Variants in CPS1 observed in about 807,000 individuals in gnomAD.
The protein encoded by CPS1 is carbamoyl-phosphate synthase [ammonia], mitochondrial.
A neutral mutation model predicts 174.6 loss-of-function variants in CPS1; 109 were observed. That is an observed-to-expected ratio of 0.62 (90% CI 0.53 to 0.73). The LOEUF (loss-of-function observed/expected upper bound fraction) is 0.73, where lower values mean the gene tolerates loss of function less well. CPS1 is among the 30% of genes least tolerant of loss of function. CPS1 has a pLI of 0.00. For synonymous variants in CPS1, 637 were observed against 632.0 expected, an observed-to-expected ratio of 1.01 and a Z score of -0.12; for missense variants, 1,689 against 1,821.9, an observed-to-expected ratio of 0.93 and a Z score of 1.33.
At chr2:210,556,571 C>T (rs1486028543), upstream of CPS1, 7 of 1,483,206 alleles carry the variant, frequency 4.7e-6, no homozygotes, top group Admixed American at 7.1e-5. Flanking sequence ...TGGCTGAAGA[C>T]ATTTAATGGC....
rs754653479 is a variant in CPS1 at position 210,606,793 on chromosome 2, C to T, written c.2044C>T (p.Arg682Cys). 25 of 1,612,488 alleles carry T rather than the reference C, an allele frequency of 1.6e-5. No homozygotes were observed. Among genetic ancestry groups the T allele is most frequent in the East Asian group, 4.5e-5 (2 of 44,810 alleles). ...LSNAEFQMLRRTSINVVRHLG... is the reference protein window; with the variant it reads ...LSNAEFQMLRCTSINVVRHLG... The stretch of plus-strand genomic sequence containing the variant: ...CAATGCCGAGTTTCAGATGTTGAGA[C>T]GTACTTCAATCAATGTTGTTCGCCA... Residue 682 changes from arginine to cysteine, a missense_variant, in exon 18 of 38, where the codon CGT (arginine) becomes TGT (cysteine). Arg to Cys is a radical substitution (Grantham distance 180, BLOSUM62 -3). Coordinates refer to ENST00000233072, the MANE Select transcript of CPS1 (RefSeq NM_001875.5).
chr2:210,559,151 C>T (rs1006735683), intron 1 of CPS1, among the ~76,000 whole-genome samples: 1 of 152,046 alleles, frequency 6.6e-6, no homozygotes, highest in Non-Finnish European at 1.5e-5. Context: ...AGATGGACAT[C>T]ATATTTTAAA....
At chr2:210,664,342 C>CT (rs1306865229) in intron 33 of CPS1, among the ~76,000 whole-genome samples, 52 of 147,868 alleles carry the variant, frequency 3.5e-4, no homozygotes, top group African/African-American at 6.9e-4. Context: ...TTCTTTCTTC[C>CT]TTTTTTTTTT....
Position 210,491,503 on chromosome 2 carries a change from T to C in CPS1, c.3+13737T>C, listed in dbSNP as rs555142968. ...TAATTTTTTGTATTTTTAGTAGAGA[T>C]GGGGTTTCACTATGTTAGCCAGGAT... On this transcript the variant is annotated intron_variant, in intron 1 of 38. Coordinates refer to the CPS1 transcript ENST00000430249. 1.7e-4 allele frequency among the ~76,000 whole-genome samples: 26 copies of C among 151,884 alleles called. No individual in the cohort carries two copies. In the South Asian group the frequency reaches 4.4e-3, roughly 26 times the overall value.
intron 1 of CPS1, among the ~76,000 whole-genome samples, chr2:210,482,175 C>T (rs1371705821): frequency 2.6e-5 from 4 of 152,168 alleles, no homozygotes; most frequent in African/African-American, 4.8e-5. Flanking sequence ...ACTCCGAGTT[C>T]GGAAGCAGCA....
intron 25 of CPS1, among the ~76,000 whole-genome samples, chr2:210,643,584 A>G (rs531575493): frequency 3.3e-5 from 5 of 152,274 alleles, no homozygotes; most frequent in African/African-American, 9.6e-5. Flanking sequence ...AACACATGCT[A>G]CTTGCAAATA....
intron 1 of CPS1, among the ~76,000 whole-genome samples, chr2:210,478,826 G>A (rs62203673): frequency 1.3e-5 from 2 of 151,662 alleles, no homozygotes; most frequent in South Asian, 2.1e-4. Flanking sequence ...GAATTATTTA[G>A]AATTTAAATA....
intron 33 of CPS1, among the ~76,000 whole-genome samples, chr2:210,663,699 G>A (rs1700998064): frequency 6.6e-6 from 1 of 152,118 alleles, no homozygotes; most frequent in Admixed American, 6.6e-5. Flanking sequence ...AAACTATAAT[G>A]GAATCGGCCA....
intron 34 of CPS1, 164 bp from the exon 35 acceptor site, chr2:210,674,738 C>A: frequency 1.5e-6 from 1 of 660,680 alleles, no homozygotes; most frequent in Non-Finnish European, 2.7e-6. Context: ...AGCTAAAACT[C>A]ACACTCACCA....
At chr2:210,643,889 T>C (rs1285429776) in intron 25 of CPS1, among the ~76,000 whole-genome samples, 1 of 152,078 alleles carries the variant, frequency 6.6e-6, no homozygotes, top group Non-Finnish European at 1.5e-5. Flanking sequence ...CCCACAAATA[T>C]TTCTCGAACA....
Position 210,678,330 on chromosome 2 carries a change from C to T in CPS1, c.*345C>T. The stretch of plus-strand genomic sequence containing the variant: ...AAGTTGCTGTTCTATTTTCTGAACT[C>T]TTTCTATACTTTAAGATACTCTATT... On this transcript the variant is annotated 3_prime_UTR_variant, in exon 38 of 38. Coordinates refer to ENST00000233072, the MANE Select transcript of CPS1 (RefSeq NM_001875.5). 1 of 361,204 alleles carries T rather than the reference C, an allele frequency of 2.8e-6. No homozygotes were observed. Among genetic ancestry groups the T allele is most frequent in the Non-Finnish European group, 5.2e-6 (1 of 190,572 alleles). The allele number at this position is 361,204 out of a possible 1,614,324, so 22.4% of individuals were successfully genotyped here.
chr2:210,604,978 G>T (rs1698854564), intron 16 of CPS1, 124 bp from the exon 17 acceptor site: 1 of 1,003,136 alleles, frequency 1.0e-6, no homozygotes. Flanking sequence ...GTGCAGGGGA[G>T]AATGGAGACG....
At chr2:210,615,340 G>T (rs1279075718) in intron 20 of CPS1, among the ~76,000 whole-genome samples, 1 of 151,886 alleles carries the variant, frequency 6.6e-6, no homozygotes, top group Non-Finnish European at 1.5e-5. Context: ...ATGGCTTTGA[G>T]TATTTCTGTT....
chr2:210,593,638 A>G, intron 11 of CPS1: 1 of 985,376 alleles, frequency 1.0e-6, no homozygotes, highest in Non-Finnish European at 1.2e-6. Context: ...TCCAGTAGCA[A>G]ATCTTCATTG....
chr2:210,611,570 C>T (rs56713733), intron 19 of CPS1, among the ~76,000 whole-genome samples: 4,167 of 151,902 alleles, frequency 0.027, 211 homozygotes, highest in African/African-American at 0.095. Context: ...AGTTTAGTCT[C>T]CTCCTACGTT....
At chr2:210,567,550 A>G (rs1283810948) in intron 1 of CPS1, among the ~76,000 whole-genome samples, 1 of 152,170 alleles carries the variant, frequency 6.6e-6, no homozygotes, top group African/African-American at 2.4e-5. Context: ...TTTGGGTTAT[A>G]TATACTGAAT....
At chr2:210,644,319 T>C (rs562106893) in intron 25 of CPS1, among the ~76,000 whole-genome samples, 2 of 152,186 alleles carry the variant, frequency 1.3e-5, no homozygotes, top group African/African-American at 4.8e-5. Context: ...ACAATGGTAC[T>C]TCTGTCACAA....
At chr2:210,638,948 A>T (rs1449560847) in intron 22 of CPS1, among the ~76,000 whole-genome samples, 1 of 152,186 alleles carries the variant, frequency 6.6e-6, no homozygotes, top group Admixed American at 6.5e-5. Context: ...CCTGTTTCTC[A>T]GGTGATAACT....
chr2:210,594,047 G>A (rs1238346322), intron 11 of CPS1, among the ~76,000 whole-genome samples: 1 of 151,648 alleles, frequency 6.6e-6, no homozygotes, highest in Non-Finnish European at 1.5e-5. Context: ...GTCATATCTA[G>A]TGAAACAACA....
Sources: allele counts gnomAD v4.1 joint callset (sites outside exome capture counted in the v4.1 genomes callset), GRCh38; gene constraint gnomAD v4.1.1; transcripts MANE v1.5; gene names NCBI Gene and HGNC (gene_info 2026-07-23, HGNC 2026-07-21).